Variants in SLC35F4 observed in about 807,000 individuals in gnomAD.
The protein encoded by SLC35F4 is chromosome 14 open reading frame 36.
SLC35F4 carries 24 observed loss-of-function variants against 44.2 expected under a neutral mutation model. That is an observed-to-expected ratio of 0.54 (90% CI 0.39 to 0.76). The LOEUF (loss-of-function observed/expected upper bound fraction) is 0.76, where lower values mean the gene tolerates loss of function less well. Ranked by LOEUF, SLC35F4 falls within the 30% of genes least tolerant of loss-of-function variation. SLC35F4 has a pLI of 0.00. For synonymous variants in SLC35F4, 238 were observed against 223.6 expected (o/e 1.06, Z -0.57); for missense variants, 562 against 586.1 (o/e 0.96, Z 0.42).
intron 1 of SLC35F4, among the ~76,000 whole-genome samples, chr14:57,826,806 A>G (rs1386511682): frequency 1.3e-5 from 2 of 152,180 alleles, no homozygotes; most frequent in Non-Finnish European, 2.9e-5. Flanking sequence ...AACCACAATG[A>G]GATACCATCT....
chr14:57,739,337 T>C (rs979765704), intron 1 of SLC35F4, among the ~76,000 whole-genome samples: 3 of 152,136 alleles, frequency 2.0e-5, no homozygotes, highest in Admixed American at 6.6e-5. Context: ...GGCATATCAA[T>C]GTTTAGCATT....
rs2075370286 is a variant in SLC35F4, at chr14:57,695,912, T to G, written c.104-101788A>C. ...TGGAGACTTTTATATTATTATTTTC[T>G]AATAAAATACAAAAATTAACTCAGG... On this transcript the variant is annotated intron_variant, in intron 1 of 7. Transcript: ENST00000556826. Among the ~76,000 whole-genome samples the G allele has an allele frequency of 2.6e-5, 4 of 152,096 alleles. No homozygotes were observed. The South Asian group carries it at 8.3e-4, about 32-fold the overall frequency.
intron 1 of SLC35F4, among the ~76,000 whole-genome samples, chr14:57,682,267 T>C (rs966886828): frequency 2.0e-5 from 3 of 152,116 alleles, no homozygotes; most frequent in African/African-American, 7.2e-5. Context: ...AATGATAGAC[T>C]GGATAAAGAA....
intron 3 of SLC35F4, 116 bp downstream of exon 3, chr14:57,589,100 T>A: frequency 8.9e-7 from 1 of 1,121,888 alleles, no homozygotes; most frequent in Non-Finnish European, 1.3e-6. Context: ...CAACCTTAGA[T>A]CTTGTTTCTT....
chr14:57,940,249 G>T (rs1889892000), intron 1 of SLC35F4, among the ~76,000 whole-genome samples: 1 of 152,080 alleles, frequency 6.6e-6, no homozygotes, highest in South Asian at 2.1e-4. Context: ...TTTGGAAATT[G>T]ACTCCAAAGC....
chr14:57,832,907 AT>A (rs1377615207), intron 1 of SLC35F4, among the ~76,000 whole-genome samples: 1 of 152,138 alleles, frequency 6.6e-6, no homozygotes, highest in Non-Finnish European at 1.5e-5. Flanking sequence ...TTCAGGTATT[AT>A]TTTCTGTCAG....
At chr14:57,929,051 G>T (rs1225040444) in intron 1 of SLC35F4, among the ~76,000 whole-genome samples, 8 of 152,196 alleles carry the variant, frequency 5.3e-5, no homozygotes, top group Admixed American at 5.2e-4. Flanking sequence ...AAATTTTCCA[G>T]GGAAAAAGTA....
intron 1 of SLC35F4, among the ~76,000 whole-genome samples, chr14:57,738,339 C>T (rs1005513588): frequency 3.3e-5 from 5 of 152,166 alleles, no homozygotes; most frequent in African/African-American, 9.7e-5. Flanking sequence ...TGCTAAGACA[C>T]GCTTTCTTCT....
At chr14:57,868,785 G>A (rs1294098703), upstream of SLC35F4, among the ~76,000 whole-genome samples, 3 of 152,070 alleles carry the variant, frequency 2.0e-5, no homozygotes, top group Admixed American at 6.5e-5. Context: ...AACTTTTAAA[G>A]CATTTTTATG....
chr14:57,575,836 G>T (rs376411743), intron 4 of SLC35F4, among the ~76,000 whole-genome samples: 4 of 152,182 alleles, frequency 2.6e-5, no homozygotes, highest in African/African-American at 9.7e-5. Context: ...CCCAAAGAGG[G>T]CTTTACCAGT....
intron 1 of SLC35F4, among the ~76,000 whole-genome samples, chr14:57,715,086 A>G (rs2075906200): frequency 6.6e-6 from 1 of 152,132 alleles, no homozygotes; most frequent in African/African-American, 2.4e-5. Flanking sequence ...GCGAGTAAAG[A>G]TGGAAATGAT....
intron 1 of SLC35F4, among the ~76,000 whole-genome samples, chr14:57,607,459 T>C (rs1230201555): frequency 6.6e-6 from 1 of 152,222 alleles, no homozygotes; most frequent in African/African-American, 2.4e-5. Context: ...ACAATTGTTA[T>C]GGGTATCCAC....
chr14:57,734,096 G>T (rs181906854), intron 1 of SLC35F4, among the ~76,000 whole-genome samples: 1 of 152,168 alleles, frequency 6.6e-6, no homozygotes, highest in East Asian at 1.9e-4. Flanking sequence ...TGGGGGGAAA[G>T]CTGTCTTATG....
rs537380540 is a variant in SLC35F4, at chr14:57,888,848, C to G, written n.282+93065G>C. 1.5e-3 allele frequency among the ~76,000 whole-genome samples: 222 copies of G among 152,236 alleles called. 1 individual carries two copies. The highest frequency in any genetic ancestry group is 5.0e-3 in the African/African-American group (209 of 41,538). ...GCATCAAAGATTAATTTTAAAGTAT[C>G]ACAAATTTAATAACATCCATATTAT... On this transcript the variant is annotated intron_variant and non_coding_transcript_variant, in intron 1 of 1. Coordinates refer to the SLC35F4 transcript ENST00000556568.
At chr14:57,660,066 G>T (rs1004229161) in intron 1 of SLC35F4, among the ~76,000 whole-genome samples, 1 of 152,216 alleles carries the variant, frequency 6.6e-6, no homozygotes, top group Non-Finnish European at 1.5e-5. Flanking sequence ...ACATGCAAAT[G>T]CTTGGAAGAT....
chr14:57,652,364 C>T (rs1203144567), intron 1 of SLC35F4, among the ~76,000 whole-genome samples: 1 of 152,160 alleles, frequency 6.6e-6, no homozygotes, highest in Non-Finnish European at 1.5e-5. Flanking sequence ...CGGGTACCTG[C>T]TCATGGTAAC....
chr14:57,967,425 G>A (rs1255540300), intron 1 of SLC35F4, among the ~76,000 whole-genome samples: 5 of 152,146 alleles, frequency 3.3e-5, no homozygotes, highest in Admixed American at 1.3e-4. Flanking sequence ...ATGTGTCCAT[G>A]AAAAGCATTC....
chr14:57,630,353 A>G (rs1402887008), intron 1 of SLC35F4: 3 of 601,778 alleles, frequency 5.0e-6, no homozygotes, highest in Admixed American at 4.6e-5. Flanking sequence ...GACCGACTGG[A>G]AGACCACACA....
In SLC35F4 at chr14:57,909,206, T is replaced by A. The variant is rs114952331; in HGVS notation, n.282+72707A>T. ...CCTGCACACCATCTGTTTTTGCACA[T>A]GGACAACCTCCCCCACTATCAGCAC... On this transcript the variant is annotated intron_variant and non_coding_transcript_variant, in intron 1 of 1. Coordinates refer to the SLC35F4 transcript ENST00000556568. Among the ~76,000 whole-genome samples the A allele has an allele frequency of 6.2e-3, 948 of 152,268 alleles. 7 individuals carry two copies. Among genetic ancestry groups the A allele is most frequent in the African/African-American group, 0.021 (881 of 41,572 alleles).
Sources: gnomAD v4.1 joint callset for allele counts (sites outside exome capture counted in the v4.1 genomes callset) on GRCh38, gnomAD v4.1.1 for gene constraint, MANE v1.5 for transcripts, NCBI Gene and HGNC (gene_info 2026-07-23, HGNC 2026-07-21) for gene names.